The following HIVEP2 variants were observed in gnomAD, a reference collection of about 807,000 sequenced individuals.
HIVEP2 encodes HIVEP zinc finger 2, also known as transcription factor HIVEP2.
HIVEP2 carries 14 observed loss-of-function variants against 180.7 expected under a neutral mutation model. The ratio of observed to expected loss-of-function variants is 0.08; its 90% CI spans 0.05 to 0.12. HIVEP2 has a LOEUF of 0.12. Among genes scored for constraint, HIVEP2 ranks in the 10% least tolerant of loss-of-function variants. The pLI is 1.00. For synonymous variants in HIVEP2, 1,184 were observed against 1,136.4 expected (o/e 1.04, Z -0.84); for missense variants, 2,579 against 3,008.5 (o/e 0.86, Z 3.34).
At chr6:142,797,096 G>T (rs1045518918) in intron 2 of HIVEP2, among the ~76,000 whole-genome samples, 7 of 152,022 alleles carry the variant, frequency 4.6e-5, no homozygotes, top group Non-Finnish European at 8.8e-5. Context: ...GGTAGTAAAT[G>T]ACAAAATAGT....
chr6:142,926,221 A>T (rs2128436641), intron 1 of HIVEP2, among the ~76,000 whole-genome samples: 1 of 152,340 alleles, frequency 6.6e-6, no homozygotes, highest in South Asian at 2.1e-4. Context: ...AAAAACAGTA[A>T]AAGTCCATCT....
At chr6:142,884,643 T>G (rs1166105610) in intron 1 of HIVEP2, among the ~76,000 whole-genome samples, 1 of 151,924 alleles carries the variant, frequency 6.6e-6, no homozygotes, top group African/African-American at 2.4e-5. Context: ...AGGGTAAGGA[T>G]AGAGACAGGA....
In HIVEP2 at chr6:142,921,608, T is replaced by A. The variant is rs79707672; in HGVS notation, c.-641+23491A>T. On this transcript the variant is annotated intron_variant, in intron 1 of 9. Transcript: ENST00000367603. ...GTTCAGTTTTTTTTAATTATCATTA[T>A]GAACTAAAAATCCCATCAGATTCTG... Among the ~76,000 whole-genome samples the A allele has an allele frequency of 8.4e-3, 1,285 of 152,346 alleles. 82 individuals are homozygous for A. In the East Asian group the frequency reaches 0.17, roughly 20 times the overall value.
chr6:142,805,395 T>C (rs1378140722), intron 2 of HIVEP2, among the ~76,000 whole-genome samples: 2 of 137,408 alleles, frequency 1.5e-5, no homozygotes, highest in African/African-American at 2.7e-5. Flanking sequence ...GAGAGTATCA[T>C]GGTAATAAGC....
At chr6:142,783,664 T>C (rs957351148) in intron 2 of HIVEP2, 49 bp from the exon 3 acceptor site, 4 of 152,064 alleles carry the variant, frequency 2.6e-5, no homozygotes, top group African/African-American at 9.7e-5. Context: ...CTGTAATGAA[T>C]TTAATAAGCA....
In HIVEP2 at chr6:142,773,236, C is replaced by T; in HGVS notation, c.1503G>A (p.Glu501=). 1 of 1,614,200 alleles carries T rather than the reference C, an allele frequency of 6.2e-7. No individual in the cohort carries two copies. The highest frequency in any genetic ancestry group is 8.5e-7 in the Non-Finnish European group (1 of 1,180,036). Residue 501 remains glutamate (E), a synonymous_variant, in exon 5 of 10, where the codon GAG becomes GAA. Transcript: ENST00000367603. The part of the protein sequence containing the change: ...SMLKSTKFNS[E]SRQPQIIPSS... ...ATGGAATAATCTGGGGTTGTCTGGA[C>T]TCACTGTTGAACTTAGTGGATTTCA...
intron 1 of HIVEP2, among the ~76,000 whole-genome samples, chr6:142,877,907 G>A (rs1239354204): frequency 6.6e-6 from 1 of 152,142 alleles, no homozygotes; most frequent in Non-Finnish European, 1.5e-5. Flanking sequence ...CTTGATCGTG[G>A]AAATGCAAGT....
In HIVEP2 at chr6:142,845,772, C is replaced by A. The variant is rs1362896855; in HGVS notation, c.-640-8725G>T. 3.3e-5 allele frequency among the ~76,000 whole-genome samples: 5 copies of A among 152,220 alleles called. No individual in the cohort carries two copies. In the East Asian group the frequency reaches 9.6e-4, roughly 29 times the overall value. On this transcript the variant is annotated intron_variant, in intron 1 of 9. Transcript: ENST00000367603. Reference sequence around the variant, plus strand: ...GCCGGGTCGGTTCCCCAGAGCCCTGCCAAGGAGGCTCCTCAGATTGACAGC... The same window carrying A: ...GCCGGGTCGGTTCCCCAGAGCCCTGACAAGGAGGCTCCTCAGATTGACAGC...
intron 1 of HIVEP2, among the ~76,000 whole-genome samples, chr6:142,851,924 T>C (rs767737786): frequency 6.6e-6 from 1 of 152,242 alleles, no homozygotes; most frequent in African/African-American, 2.4e-5. Flanking sequence ...GATATGCTGC[T>C]TTCACACTTA....
rs1203827094 is a variant in HIVEP2 at position 142,772,191 on chromosome 6, A to G, written c.2548T>C (p.Trp850Arg). ...EISEAPVSPE[W>R]APPGDGAESG... Reference sequence around the variant, plus strand: ...TCTGCACCATCCCCAGGTGGAGCCCACTCAGGACTCACTGGGGCTTCTGAA... The same window carrying G: ...TCTGCACCATCCCCAGGTGGAGCCCGCTCAGGACTCACTGGGGCTTCTGAA... Residue 850 changes from tryptophan to arginine, a missense_variant, in exon 5 of 10, where the codon TGG becomes CGG. Physicochemically the swap from Trp to Arg is moderately radical, Grantham distance 101. Around this residue, in one of 11 missense-constraint regions of HIVEP2, gnomAD observed 524 missense variants for 563.6 expected, o/e 0.93. Transcript: ENST00000367603. The surrounding 1 kb of genome is among the most constrained non-coding windows in gnomAD (Gnocchi z 4.9). 1.9e-6 allele frequency: 3 copies of G among 1,614,102 alleles called. No homozygotes were observed. The highest frequency in any genetic ancestry group is 1.6e-4 in the Middle Eastern group (1 of 6,062).
At position 142,807,582 on chromosome 6, in the gene HIVEP2, A is replaced by G. The variant is rs190690333; in HGVS notation, c.-527-23967T>C. 4.7e-3 allele frequency among the ~76,000 whole-genome samples: 710 copies of G among 151,574 alleles called. 20 individuals carry two copies. Among genetic ancestry groups the G allele is most frequent in the Non-Finnish European group, 2.5e-3 (172 of 67,620 alleles). On this transcript the variant is annotated intron_variant, in intron 2 of 9. Transcript: ENST00000367603. ...CACGTTCTCATAAAAAGCACCCCAA[A>G]CGCCTTAAACAGTAGTCCCATAACT...
At chr6:142,864,488 CTT>C (rs1327146723) in intron 1 of HIVEP2, among the ~76,000 whole-genome samples, 1 of 152,116 alleles carries the variant, frequency 6.6e-6, no homozygotes, top group East Asian at 1.9e-4. Context: ...GCTTTTGTGA[CTT>C]AGCGAAAAAT....
intron 1 of HIVEP2, among the ~76,000 whole-genome samples, chr6:142,851,566 A>G (rs1775673194): frequency 6.6e-6 from 1 of 152,242 alleles, no homozygotes; most frequent in Non-Finnish European, 1.5e-5. Context: ...CTAGCTTACA[A>G]AGGACTTGAG....
rs769911001 is a variant in HIVEP2 at position 142,770,506 on chromosome 6, C to G, written c.4233G>C (p.Gln1411His). The G allele has an allele frequency of 5.6e-6, 9 of 1,614,066 alleles. No individual in the cohort carries two copies. The East Asian group carries it at 2.0e-4, about 36-fold the overall frequency. ...LEKYPIWKAPQTLPLGLESSI... is the reference protein window; with the variant it reads ...LEKYPIWKAPHTLPLGLESSI... The stretch of plus-strand genomic sequence containing the variant: ...AGGATTCTAAGCCGAGGGGCAAAGT[C>G]TGAGGTGCTTTCCAAATGGGGTACT... Residue 1411 changes from glutamine (Q) to histidine (H), a missense_variant, in exon 5 of 10, where the codon CAG becomes CAC. Gln to His is a conservative substitution (Grantham distance 24). This residue lies in a region of HIVEP2 where 523 missense variants were observed against 577.0 expected (regional missense o/e 0.91). Transcript: ENST00000367603. This position sits in a 1 kb window ranked among gnomAD's most constrained non-coding sequence, Gnocchi z 4.7.
At chr6:142,878,512 G>A (rs1414233721) in intron 1 of HIVEP2, among the ~76,000 whole-genome samples, 1 of 152,186 alleles carries the variant, frequency 6.6e-6, no homozygotes, top group Non-Finnish European at 1.5e-5. Flanking sequence ...ACTGAAGCAG[G>A]AAGGGATGGT....
intron 9 of HIVEP2, among the ~76,000 whole-genome samples, chr6:142,754,760 A>G (rs1013199521): frequency 6.6e-6 from 1 of 152,190 alleles, no homozygotes; most frequent in African/African-American, 2.4e-5. Flanking sequence ...TTCCACCTCA[A>G]TATCTTCTTG....
chr6:142,873,139 A>G (rs1430930974), intron 1 of HIVEP2, among the ~76,000 whole-genome samples: 1 of 152,178 alleles, frequency 6.6e-6, no homozygotes. Context: ...CTGCACAGAA[A>G]CATAGAACAG....
At position 142,771,083 on chromosome 6, in the gene HIVEP2, G is replaced by C. The variant is rs1428577022; in HGVS notation, c.3656C>G (p.Pro1219Arg). Residue 1219 changes from proline (P) to arginine (R), a missense_variant, in exon 5 of 10, where the codon CCA becomes CGA. By Grantham distance (103) the Pro-to-Arg change is moderately radical. Coordinates refer to ENST00000367603, the MANE Select transcript of HIVEP2 (RefSeq NM_006734.4). The surrounding 1 kb of genome is among the most constrained non-coding windows in gnomAD (Gnocchi z 5.4). ...QYPTVCMVHL[P>R]AQQPPWWQAH... is the part of the protein sequence containing the mutation. ...CTGCCACCAGGGAGGCTGCTGAGCT[G>C]GTAAATGAACCATACAAACTGTAGG... The C allele has an allele frequency of 6.2e-7, 1 of 1,614,090 alleles. No homozygotes were observed. Among genetic ancestry groups the C allele is most frequent in the African/African-American group, 1.3e-5 (1 of 75,018 alleles).
chr6:142,755,669 CA>C (rs1251231801), intron 9 of HIVEP2, among the ~76,000 whole-genome samples: 2 of 152,154 alleles, frequency 1.3e-5, no homozygotes, highest in African/African-American at 4.8e-5. Context: ...TCCCCAAATC[CA>C]GGCTGACAAA....
Sources: allele counts gnomAD v4.1 joint callset (sites outside exome capture counted in the v4.1 genomes callset), GRCh38; gene constraint gnomAD v4.1.1; regional missense constraint gnomAD v4.1.1; non-coding constraint Gnocchi (gnomAD v3.1); transcripts MANE v1.5; gene names NCBI Gene and HGNC (gene_info 2026-07-23, HGNC 2026-07-21).